MPDZ: variants seen among roughly 807,000 people sequenced by gnomAD.
The protein encoded by MPDZ is multiple PDZ domain protein.
Under a neutral mutation model 239.1 loss-of-function variants are expected in MPDZ, and 234 were observed. The ratio of observed to expected loss-of-function variants is 0.98; its 90% CI spans 0.88 to 1.09. The LOEUF (loss-of-function observed/expected upper bound fraction) is 1.09, where lower values mean the gene tolerates loss of function less well. Ranked by LOEUF, MPDZ falls within the 50% of genes least tolerant of loss-of-function variation. The pLI, the probability that MPDZ is intolerant of heterozygous loss-of-function variation, is 0.00. For missense variants in MPDZ, 3,175 were observed against 2,510.0 expected (o/e 1.26, Z -5.66); for synonymous variants, 1,048 against 881.3 (o/e 1.19, Z -3.35).
At chr9:13,163,858 T>C (rs1361464194) in intron 22 of MPDZ, among the ~76,000 whole-genome samples, 1 of 152,068 alleles carries the variant, frequency 6.6e-6, no homozygotes, top group East Asian at 1.9e-4. Context: ...GAAAGAGGAG[T>C]ATACATAATT....
At chr9:13,171,177 T>C (rs561077539) in intron 21 of MPDZ, among the ~76,000 whole-genome samples, 1 of 152,256 alleles carries the variant, frequency 6.6e-6, no homozygotes, top group African/African-American at 2.4e-5. Flanking sequence ...ACTTTGAAAA[T>C]ACCTGACACA....
chr9:13,203,339 G>A (rs77899439), intron 12 of MPDZ, among the ~76,000 whole-genome samples: 82 of 152,228 alleles, frequency 5.4e-4, no homozygotes, highest in Non-Finnish European at 8.8e-4. Flanking sequence ...TACACAGCTA[G>A]ACAGTGATTT....
At chr9:13,118,123 C>T (rs998362233) in intron 39 of MPDZ, among the ~76,000 whole-genome samples, 22 of 152,176 alleles carry the variant, frequency 1.4e-4, no homozygotes, top group African/African-American at 4.1e-4. Flanking sequence ...GGATTACAGG[C>T]ATGAGCCACC....
At chr9:13,209,517 T>C (rs140257110) in intron 10 of MPDZ, among the ~76,000 whole-genome samples, 1 of 152,150 alleles carries the variant, frequency 6.6e-6, no homozygotes, top group African/African-American at 2.4e-5. Context: ...GCAGAACCCA[T>C]CTCAACTTCT....
intron 12 of MPDZ, among the ~76,000 whole-genome samples, chr9:13,199,620 A>G (rs937912061): frequency 2.0e-5 from 3 of 151,966 alleles, no homozygotes; most frequent in Non-Finnish European, 2.9e-5. Flanking sequence ...TCTGTTCGGT[A>G]TATTAGCTGT....
chr9:13,148,217 G>T (rs1195829180), intron 25 of MPDZ, among the ~76,000 whole-genome samples: 1 of 152,074 alleles, frequency 6.6e-6, no homozygotes, highest in African/African-American at 2.4e-5. Context: ...CTAAGAAATT[G>T]TGTTTATTTG....
At chr9:13,187,762 G>GAAAACGTGTATCTGTCTTTTC (rs34307097) in intron 17 of MPDZ, among the ~76,000 whole-genome samples, 1 of 152,034 alleles carries the variant, frequency 6.6e-6, no homozygotes, top group East Asian at 1.9e-4. Flanking sequence ...ATTTTCTTAA[G>GAAAACGTGTATCTGTCTTTTC]ACTTCAAACT....
chr9:13,144,009 C>T (rs1948107791), intron 26 of MPDZ, among the ~76,000 whole-genome samples: 1 of 151,918 alleles, frequency 6.6e-6, no homozygotes, highest in Non-Finnish European at 1.5e-5. Context: ...AATTGGTCTG[C>T]TAGTTCACTG....
Position 13,168,412 on chromosome 9 carries a change from C to T in MPDZ, c.3208G>A (p.Ala1070Thr). ...ESTISVTNAQ[A>T]RAMLRRHSLI... ...GAATGTCTTCTCAACATAGCTCGTG[C>T]CTGGGCATTGGTTACACTGATGGTA... is the stretch of plus-strand genomic sequence containing the variant. The change falls in exon 22 of 47, where the codon GCA (alanine) becomes ACA (threonine). Residue 1070 changes from alanine to threonine, a missense_variant. Coordinates refer to ENST00000319217, the MANE Select transcript of MPDZ (RefSeq NM_001378778.1). The T allele has an allele frequency of 1.2e-6, 2 of 1,613,460 alleles. No individual in the cohort carries two copies. Among genetic ancestry groups the T allele is most frequent in the Admixed American group, 1.7e-5 (1 of 59,982 alleles).
chr9:13,192,251 C>T lies in MPDZ; in HGVS notation c.1848G>A (p.Val616=). The change falls in exon 15 of 47, where the codon GTG becomes GTA. Residue 616 remains valine (V), a synonymous_variant. Coordinates refer to ENST00000319217, the MANE Select transcript of MPDZ (RefSeq NM_001378778.1). ...CTATAGGCAGTTCTTTTAAGATATTCACCACATCTTGGTGATTTTCCCCAA... is the reference window on the plus strand; with the variant it reads ...CTATAGGCAGTTCTTTTAAGATATTTACCACATCTTGGTGATTTTCCCCAA... ...TLLGENHQDV[V]NILKELPIEV... 6.2e-7 allele frequency: 1 copy of T among 1,604,800 alleles called. No homozygotes were observed. The highest frequency in any genetic ancestry group is 8.5e-7 in the Non-Finnish European group (1 of 1,174,842).
intron 10 of MPDZ, among the ~76,000 whole-genome samples, chr9:13,212,509 G>A (rs1209654332): frequency 6.6e-6 from 1 of 151,900 alleles, no homozygotes; most frequent in Non-Finnish European, 1.5e-5. Flanking sequence ...TCACACCCAT[G>A]CTACATATGA....
At position 13,137,952 on chromosome 9, in the gene MPDZ, C is replaced by G. The variant is rs373455909; in HGVS notation, c.4200+5G>C. The stretch of plus-strand genomic sequence containing the variant: ...ATAAATTCAAAATTTTCCACAAAAA[C>G]TTACCTCTAGAAGCTCATCTGCAAT... On this transcript the variant is annotated splice_donor_5th_base_variant and intron_variant, in intron 29 of 46. Transcript: ENST00000319217. The G allele has an allele frequency of 5.0e-6, 8 of 1,613,304 alleles. No individual in the cohort carries two copies. The highest frequency in any genetic ancestry group is 6.8e-6 in the Non-Finnish European group (8 of 1,179,618).
intron 12 of MPDZ, among the ~76,000 whole-genome samples, chr9:13,202,665 C>G (rs539201695): frequency 6.6e-6 from 1 of 152,278 alleles, no homozygotes; most frequent in East Asian, 1.9e-4. Flanking sequence ...GATTACCAGA[C>G]CAGTGGAGAG....
At chr9:13,189,904 C>A (rs897232565) in intron 16 of MPDZ, among the ~76,000 whole-genome samples, 1 of 152,014 alleles carries the variant, frequency 6.6e-6, no homozygotes, top group African/African-American at 2.4e-5. Context: ...AATGTATCTT[C>A]CAATTCCAAG....
rs74640490 is a variant in MPDZ, at chr9:13,142,517, A to C, written c.3840+949T>G. On this transcript the variant is annotated intron_variant, in intron 27 of 46. Coordinates refer to ENST00000319217, the MANE Select transcript of MPDZ (RefSeq NM_001378778.1). ...GATTGTTTAGCCTTCCTTGTCAAAAATGCAGTGTATACTTGAGATCACTCC... is the reference window on the plus strand; with the variant it reads ...GATTGTTTAGCCTTCCTTGTCAAAACTGCAGTGTATACTTGAGATCACTCC... 3.7e-4 allele frequency among the ~76,000 whole-genome samples: 56 copies of C among 152,264 alleles called. No homozygotes were observed. The East Asian group carries it at 0.011, about 29-fold the overall frequency.
intron 1 of MPDZ, among the ~76,000 whole-genome samples, chr9:13,268,523 A>G (rs771405684): frequency 2.6e-5 from 4 of 152,158 alleles, no homozygotes; most frequent in Non-Finnish European, 5.9e-5. Flanking sequence ...TGAGCTCCCA[A>G]TTTAGTGGAA....
At chr9:13,215,487 G>C (rs1434459129) in intron 10 of MPDZ, among the ~76,000 whole-genome samples, 1 of 150,452 alleles carries the variant, frequency 6.6e-6, no homozygotes, top group African/African-American at 2.4e-5. Context: ...AGATATTTGG[G>C]TTGCTTCCAT....
At chr9:13,160,871 A>ATAT (rs1950401710) in intron 23 of MPDZ, among the ~76,000 whole-genome samples, 1 of 25,616 alleles carries the variant, frequency 3.9e-5, no homozygotes, top group Non-Finnish European at 9.5e-5. Context: ...TATATATATA[A>ATAT]AACAGGTACT....
At chr9:13,217,121 A>G in intron 9 of MPDZ, 59 bp downstream of exon 9, 1 of 1,128,042 alleles carries the variant, frequency 8.9e-7, no homozygotes, top group Non-Finnish European at 1.3e-6. Context: ...ATATTTTATA[A>G]GAGATAGATA....
Sources: gnomAD v4.1 joint callset for allele counts (sites outside exome capture counted in the v4.1 genomes callset) on GRCh38, gnomAD v4.1.1 for gene constraint, MANE v1.5 for transcripts, NCBI Gene and HGNC (gene_info 2026-07-23, HGNC 2026-07-21) for gene names.